LTA4H: variants seen among roughly 807,000 people sequenced by gnomAD.
LTA4H encodes the protein leukotriene A4 hydrolase.
In LTA4H, 59 loss-of-function variants were observed where a neutral mutation model predicts 89.8. The observed-to-expected ratio is 0.66, with a 90% confidence interval of 0.53 to 0.82. The LOEUF is 0.82. Among genes scored for constraint, LTA4H ranks in the 40% least tolerant of loss-of-function variants. LTA4H has a pLI of 0.00. For missense variants in LTA4H, 617 were observed against 727.0 expected (o/e 0.85, Z 1.74); for synonymous variants, 227 against 253.1 (o/e 0.90, Z 0.98).
rs1033064317 is a variant in LTA4H, at chr12:96,035,298, G to A, written c.159+63C>T. 6.2e-5 allele frequency: 94 copies of A among 1,505,924 alleles called. No homozygotes were observed. In the African/African-American group the frequency reaches 1.2e-3, roughly 18 times the overall value. 93.3% of individuals were successfully genotyped at this position (1,505,924 alleles called of 1,614,324 possible). A position where few individuals can be genotyped will look rare whatever the true frequency, so the allele number is the denominator to read the frequency against. ...GAGCCGGAGATCCGGGAGCCCGCAA[G>A]GACTAGGGTCGAGGGGCAGGGAGCC... On this transcript the variant is annotated intron_variant, in intron 1 of 18. Transcript: ENST00000228740.
At chr12:96,012,729 A>C (rs765962055) in intron 14 of LTA4H, 1 of 155,484 alleles carries the variant, frequency 6.4e-6, no homozygotes, top group African/African-American at 2.4e-5. Flanking sequence ...AAGAAGGAAG[A>C]AAGCAGTATA....
At chr12:96,014,679 G>A (rs1950350351) in intron 12 of LTA4H, among the ~76,000 whole-genome samples, 176 bp downstream of exon 12, 3 of 152,108 alleles carry the variant, frequency 2.0e-5, no homozygotes. Context: ...AACCTTAGGG[G>A]TTATTAATGG....
intron 1 of LTA4H, among the ~76,000 whole-genome samples, chr12:96,041,580 T>G (rs1016904531): frequency 1.6e-4 from 25 of 151,862 alleles, no homozygotes; most frequent in Non-Finnish European, 2.6e-4. Context: ...AAAAGAAATG[T>G]GTATCCCCCT....
chr12:96,024,175 A>C (rs920824559), intron 4 of LTA4H, among the ~76,000 whole-genome samples: 2 of 151,818 alleles, frequency 1.3e-5, no homozygotes, highest in Non-Finnish European at 2.9e-5. Context: ...CTCGTGATCC[A>C]CCCATCTCGG....
chr12:96,035,396 T>A lies in LTA4H; in HGVS notation c.124A>T (p.Thr42Ser). The A allele has an allele frequency of 6.2e-7, 1 of 1,611,734 alleles. No individual in the cohort carries two copies. Among genetic ancestry groups the A allele is most frequent in the Non-Finnish European group, 8.5e-7 (1 of 1,179,130 alleles). The change falls in exon 1 of 19, where the codon ACG (threonine) becomes TCG (serine). Residue 42 changes from threonine (T) to serine (S), a missense_variant. Thr to Ser is a moderately conservative substitution (Grantham distance 58). Around this residue, in one of 3 missense-constraint regions of LTA4H, gnomAD observed 155 missense variants for 143.3 expected, o/e 1.08. Transcript: ENST00000228740. ...AGATTGTCCTCCTGAGACTGGACCG[T>A]GAGAGCAGCAGTCCCGGTCAGCGTC... ...RRTLTGTAAL[T>S]VQSQEDNLRS...
chr12:96,020,790 C>A, intron 6 of LTA4H: 1 of 254,594 alleles, frequency 3.9e-6, no homozygotes, highest in Non-Finnish European at 7.6e-6. Flanking sequence ...ATTATAATTT[C>A]AAGGATAAGG....
At chr12:96,004,722 C>T (rs1313206367) in intron 16 of LTA4H, among the ~76,000 whole-genome samples, 2 of 152,182 alleles carry the variant, frequency 1.3e-5, no homozygotes, top group African/African-American at 4.8e-5. Flanking sequence ...CTTTCATGAA[C>T]TACTAATCCT....
At chr12:96,031,328 AC>A (rs1950569074) in intron 1 of LTA4H, among the ~76,000 whole-genome samples, 1 of 152,240 alleles carries the variant, frequency 6.6e-6, no homozygotes, top group Non-Finnish European at 1.5e-5. Flanking sequence ...CCAAGAGAAA[AC>A]AAAAAATGCA....
At chr12:96,031,607 A>T (rs1348524607) in intron 1 of LTA4H, among the ~76,000 whole-genome samples, 1 of 152,192 alleles carries the variant, frequency 6.6e-6, no homozygotes, top group East Asian at 1.9e-4. Context: ...CCATCCCCCT[A>T]AAAAGCAGTT....
At chr12:96,036,120 TGTAA>T (rs886232767), upstream of LTA4H, among the ~76,000 whole-genome samples, 8 of 152,198 alleles carry the variant, frequency 5.3e-5, no homozygotes, top group Admixed American at 5.2e-4. Context: ...TGTTTTTAGC[TGTAA>T]GTAATTCAAG....
intron 17 of LTA4H, 77 bp downstream of exon 17, chr12:96,003,761 C>T (rs1950148359): frequency 1.2e-5 from 11 of 949,622 alleles, no homozygotes; most frequent in Non-Finnish European, 1.3e-5. Context: ...GTCTCATACT[C>T]TGCATTCCCT....
rs79510571 is a variant in LTA4H at position 96,035,509 on chromosome 12, A to G, written c.11T>C (p.Ile4Thr). 2.0e-4 allele frequency: 328 copies of G among 1,605,572 alleles called. 2 individuals carry two copies. The African/African-American group carries it at 4.1e-3, about 20-fold the overall frequency. ...AGAGGCCAACGAACAGGTATCCACT[A>G]TCTCGGGCATGGCTCTGGGGGATCA... Reference protein sequence around the residue: MPEIVDTCSLASPA... With the variant: MPETVDTCSLASPA... Residue 4 changes from isoleucine (I) to threonine (T), a missense_variant, in exon 1 of 19, where the codon ATA (isoleucine) becomes ACA (threonine). By Grantham distance (89) the Ile-to-Thr change is moderately conservative. This residue lies in a region of LTA4H where 155 missense variants were observed against 143.3 expected (regional missense o/e 1.08). Transcript: ENST00000228740.
intron 12 of LTA4H, 37 bp from the exon 13 acceptor site, chr12:96,013,890 A>G (rs747657044): frequency 3.2e-6 from 3 of 945,076 alleles, no homozygotes; most frequent in Non-Finnish European, 5.0e-6. Context: ...ATTCATAGAA[A>G]GGTAATTATT....
At chr12:96,041,274 G>A (rs2540480) in intron 1 of LTA4H, among the ~76,000 whole-genome samples, 110,405 of 152,050 alleles carry the variant, frequency 0.73, 40,540 homozygotes, top group Middle Eastern at 0.77. Context: ...TGTTGTTGTT[G>A]TTTTGGCATT....
chr12:96,042,583 C>A (rs1374158014), intron 1 of LTA4H, among the ~76,000 whole-genome samples: 1 of 152,098 alleles, frequency 6.6e-6, no homozygotes, highest in Non-Finnish European at 1.5e-5. Context: ...AAGACTCAGA[C>A]CTTAGTTATA....
intron 2 of LTA4H, 93 bp downstream of exon 2, chr12:96,028,962 A>T (rs888984743): frequency 4.9e-5 from 53 of 1,086,242 alleles, no homozygotes; most frequent in Non-Finnish European, 8.8e-6. Context: ...CATATTTACA[A>T]ACTAAAATTT....
chr12:96,036,709 G>A (rs1241744390), upstream of LTA4H, among the ~76,000 whole-genome samples: 1 of 152,186 alleles, frequency 6.6e-6, no homozygotes. Context: ...TGGCTGGCTA[G>A]TCATTAACCA....
chr12:96,006,493 G>A, intron 15 of LTA4H, 84 bp from the exon 16 acceptor site: 1 of 704,282 alleles, frequency 1.4e-6, no homozygotes, highest in South Asian at 2.1e-5. Context: ...AGTAAAAATT[G>A]AGAAAAAGAA....
At chr12:96,036,090 G>A (rs544012868), upstream of LTA4H, among the ~76,000 whole-genome samples, 1 of 151,478 alleles carries the variant, frequency 6.6e-6, no homozygotes, top group African/African-American at 2.4e-5. Context: ...CCCCGACGGG[G>A]AGGCACAGTA....
Sources: gnomAD v4.1 joint callset for allele counts (sites outside exome capture counted in the v4.1 genomes callset) on GRCh38, gnomAD v4.1.1 for gene constraint, gnomAD v4.1.1 regional missense constraint, MANE v1.5 for transcripts, NCBI Gene and HGNC (gene_info 2026-07-23, HGNC 2026-07-21) for gene names.